PXDNL: variants seen among roughly 807,000 people sequenced by gnomAD.
PXDNL encodes peroxidasin like.
PXDNL carries 145 observed loss-of-function variants against 150.8 expected under a neutral mutation model. The ratio of observed to expected loss-of-function variants is 0.96; its 90% confidence interval spans 0.84 to 1.10. PXDNL has a LOEUF of 1.10. Ranked by LOEUF, PXDNL falls within the 50% of genes least tolerant of loss-of-function variation. PXDNL has a pLI of 0.00. For synonymous variants in PXDNL, 757 were observed against 725.7 expected, an observed-to-expected ratio of 1.04 and a Z score of -0.69; for missense variants, 2,087 against 1,873.9, an observed-to-expected ratio of 1.11 and a Z score of -2.10.
At chr8:51,716,939 T>A (rs1816626302) in intron 1 of PXDNL, among the ~76,000 whole-genome samples, 1 of 152,250 alleles carries the variant, frequency 6.6e-6, no homozygotes, top group South Asian at 2.1e-4. Context: ...TTTTCTACTC[T>A]ATCAGTTAGG....
In PXDNL at chr8:51,484,886, A is replaced by G. The variant is rs1013538925; in HGVS notation, c.453-1172T>C. ...TCTAGTCACCAGGACTACTGAATAC[A>G]TATTTGGCAAAGAGCCTATGTGTGA... On this transcript the variant is annotated intron_variant, in intron 5 of 22. Coordinates refer to ENST00000356297, the MANE Select transcript of PXDNL (RefSeq NM_144651.5). Among the ~76,000 whole-genome samples, 5 of 152,326 alleles carry G rather than the reference A, an allele frequency of 3.3e-5. No individual in the cohort carries two copies. The East Asian group carries it at 5.8e-4, about 18-fold the overall frequency.
intron 17 of PXDNL, among the ~76,000 whole-genome samples, chr8:51,381,912 C>T (rs1471545713): frequency 6.6e-6 from 1 of 151,808 alleles, no homozygotes; most frequent in East Asian, 1.9e-4. Context: ...ATGGCTACTG[C>T]TGACTTTAAC....
chr8:51,384,618 T>G (rs978769246), intron 17 of PXDNL, among the ~76,000 whole-genome samples: 1 of 152,168 alleles, frequency 6.6e-6, no homozygotes, highest in African/African-American at 2.4e-5. Context: ...CAAACATCTC[T>G]GTAACAGAAA....
intron 5 of PXDNL, among the ~76,000 whole-genome samples, chr8:51,494,971 AT>A (rs1811009076): frequency 6.6e-6 from 1 of 152,164 alleles, no homozygotes; most frequent in Admixed American, 6.5e-5. Context: ...AATCAACAGA[AT>A]ATACATTCTT....
At position 51,788,878 on chromosome 8, in the gene PXDNL, C is replaced by G. The variant is rs537755709; in HGVS notation, c.164+20303G>C. On this transcript the variant is annotated intron_variant, in intron 1 of 22. Transcript: ENST00000356297. ...GGACTCAGTGCCCTATGCTTCAGTT[C>G]CGCACTAACTGCCTTCCAGAGCACC... Among the ~76,000 whole-genome samples the G allele has an allele frequency of 3.6e-4, 55 of 152,326 alleles. 2 individuals carry two copies. The South Asian group carries it at 0.011, about 32-fold the overall frequency.
At chr8:51,715,716 GT>G (rs1333112205) in intron 1 of PXDNL, among the ~76,000 whole-genome samples, 4 of 152,134 alleles carry the variant, frequency 2.6e-5, no homozygotes, top group Non-Finnish European at 4.4e-5. Flanking sequence ...ATAGGGCGGG[GT>G]TTCTTGTCAA....
intron 2 of PXDNL, among the ~76,000 whole-genome samples, chr8:51,637,087 G>C (rs146760834): frequency 0.014 from 2,061 of 152,270 alleles, 19 homozygotes; most frequent in Admixed American, 0.024. Flanking sequence ...AACAGGGTCT[G>C]GAGTGGACCT....
chr8:51,747,607 T>C (rs987397655), intron 1 of PXDNL, among the ~76,000 whole-genome samples: 3 of 152,136 alleles, frequency 2.0e-5, no homozygotes, highest in Non-Finnish European at 4.4e-5. Context: ...GGGTTTTGGA[T>C]AGCAATTGAA....
At chr8:51,576,462 A>T (rs1254798278) in intron 3 of PXDNL, among the ~76,000 whole-genome samples, 1 of 151,936 alleles carries the variant, frequency 6.6e-6, no homozygotes, top group East Asian at 1.9e-4. Context: ...GCTAAAAAAA[A>T]ATCGGACTAA....
intron 2 of PXDNL, among the ~76,000 whole-genome samples, chr8:51,609,421 G>T (rs998269539): frequency 2.6e-5 from 4 of 152,156 alleles, no homozygotes; most frequent in African/African-American, 9.7e-5. Context: ...CTATCCCGGG[G>T]TCCTTGACCC....
At chr8:51,638,922 T>G (rs1814672808) in intron 2 of PXDNL, among the ~76,000 whole-genome samples, 1 of 152,128 alleles carries the variant, frequency 6.6e-6, no homozygotes, top group Non-Finnish European at 1.5e-5. Context: ...CACATCACAA[T>G]TATTCCAAAA....
At position 51,453,523 on chromosome 8, in the gene PXDNL, T is replaced by C. The variant is rs762628529; in HGVS notation, c.1245A>G (p.Val415=). The C allele has an allele frequency of 1.2e-6, 2 of 1,614,034 alleles. No homozygotes were observed. The highest frequency in any genetic ancestry group is 1.7e-5 in the Admixed American group (1 of 60,032). Residue 415 remains valine, a synonymous_variant, in exon 10 of 23, where the codon GTA becomes GTG. Transcript: ENST00000356297. ...CATGACCTTCTGCTCCCATACCTTG[T>C]ACAATTATGTTTGCTGCAGCTTGAA... ...GTVQAAANII[V]QAPPQFTVTP...
chr8:51,367,392 C>G (rs1021234433), intron 19 of PXDNL, among the ~76,000 whole-genome samples: 6 of 152,168 alleles, frequency 3.9e-5, no homozygotes, highest in African/African-American at 1.4e-4. Flanking sequence ...TAAGTTTTTA[C>G]TCACTGCACT....
chr8:51,327,131 T>C (rs767329861), intron 21 of PXDNL, among the ~76,000 whole-genome samples: 1 of 152,158 alleles, frequency 6.6e-6, no homozygotes, highest in Non-Finnish European at 1.5e-5. Context: ...GGTTGGAAGA[T>C]TGAAAAACTG....
chr8:51,761,395 G>A (rs1014883465), intron 1 of PXDNL, among the ~76,000 whole-genome samples: 1 of 152,146 alleles, frequency 6.6e-6, no homozygotes, highest in East Asian at 1.9e-4. Flanking sequence ...TGCTATAAGG[G>A]ATTATTTTGA....
chr8:51,598,118 A>T (rs750989208), intron 2 of PXDNL, among the ~76,000 whole-genome samples: 3 of 152,200 alleles, frequency 2.0e-5, no homozygotes, highest in Non-Finnish European at 4.4e-5. Context: ...CTTTGTTATC[A>T]GTTCCAGAAG....
chr8:51,716,366 G>A (rs1816616377), intron 1 of PXDNL, among the ~76,000 whole-genome samples: 1 of 152,222 alleles, frequency 6.6e-6, no homozygotes, highest in African/African-American at 2.4e-5. Flanking sequence ...TTCAAATGCT[G>A]AAGTGCACAA....
rs866384030 is a variant in PXDNL, at chr8:51,435,278, G to A, written c.1526-8520C>T. Reference sequence around the variant, plus strand: ...GAAGGTTGCAGTGAGCCACGATCACGCCACTGCACTCCAGCCTGGGTGATA... The same window carrying A: ...GAAGGTTGCAGTGAGCCACGATCACACCACTGCACTCCAGCCTGGGTGATA... On this transcript the variant is annotated intron_variant, in intron 12 of 22. Transcript: ENST00000356297. Among the ~76,000 whole-genome samples, 13 of 152,034 alleles carry A rather than the reference G, an allele frequency of 8.6e-5. No homozygotes were observed. In the East Asian group the frequency reaches 1.7e-3, roughly 20 times the overall value.
At chr8:51,426,513 A>G (rs532194874) in intron 13 of PXDNL, 133 bp downstream of exon 13, 2 of 567,176 alleles carry the variant, frequency 3.5e-6, no homozygotes, top group South Asian at 4.9e-5. Context: ...ACCTGCTGCA[A>G]TGTAAAAGGT....
Sources: gnomAD v4.1 joint callset for allele counts (sites outside exome capture counted in the v4.1 genomes callset) on GRCh38, gnomAD v4.1.1 for gene constraint, MANE v1.5 for transcripts, NCBI Gene and HGNC (gene_info 2026-07-23, HGNC 2026-07-21) for gene names.